ZNF136: variants seen among roughly 807,000 people sequenced by gnomAD.
ZNF136 encodes the protein zinc finger protein 136.
ZNF136 carries 8 observed loss-of-function variants against 11.4 expected under a neutral mutation model. That is an observed-to-expected ratio of 0.70 (90% confidence interval 0.41 to 1.27). ZNF136 has a LOEUF of 1.27. Ranked by LOEUF, ZNF136 falls within the 50% of genes most tolerant of loss-of-function variation. The probability of loss-of-function intolerance (pLI) is 0.01; values close to 1 mark genes in which losing one functional copy is unlikely to be tolerated. For synonymous variants in ZNF136, 190 were observed against 207.1 expected (o/e 0.92, Z 0.71); for missense variants, 590 against 656.5 (o/e 0.90, Z 1.11).
Position 12,187,806 on chromosome 19 carries a change from T to C in ZNF136, c.1428T>C (p.Phe476=). ...HEMIHTGEKP[F]ECKRCGKAFR... is the part of the protein sequence containing the mutation. ...TGATTCACACTGGTGAGAAACCCTT[T>C]GAATGTAAGCGATGTGGTAAAGCCT... The change falls in exon 4 of 4, where the codon TTT becomes TTC. Residue 476 remains phenylalanine, a synonymous_variant. Transcript: ENST00000343979. The C allele has an allele frequency of 3.1e-6, 5 of 1,607,720 alleles. No individual in the cohort carries two copies. The highest frequency in any genetic ancestry group is 3.4e-6 in the Non-Finnish European group (4 of 1,177,842).
chr19:12,187,830 C>T lies in ZNF136; in HGVS notation c.1452C>T (p.Ala484=), dbSNP rs765245923. 37 of 1,604,460 alleles carry T rather than the reference C, an allele frequency of 2.3e-5. No individual in the cohort carries two copies. The highest frequency in any genetic ancestry group is 3.5e-5 in the Admixed American group (2 of 57,472). The change falls in exon 4 of 4, where the codon GCC becomes GCT. Residue 484 remains alanine (A), a synonymous_variant. Coordinates refer to ENST00000343979, the MANE Select transcript of ZNF136 (RefSeq NM_003437.5). ...KPFECKRCGK[A]FRSSSSFRLH... is the part of the protein sequence containing the mutation. Reference sequence around the variant, plus strand: ...TTGAATGTAAGCGATGTGGTAAAGCCTTTAGATCTTCTAGTTCCTTTCGAC... The same window carrying T: ...TTGAATGTAAGCGATGTGGTAAAGCTTTTAGATCTTCTAGTTCCTTTCGAC...
intron 1 of ZNF136, among the ~76,000 whole-genome samples, chr19:12,181,188 A>G (rs1471515010): frequency 6.6e-6 from 1 of 152,178 alleles, no homozygotes; most frequent in East Asian, 1.9e-4. Context: ...CGAAGATGGG[A>G]AATGGCGAGT....
At chr19:12,169,004 G>C (rs1221745236) in intron 1 of ZNF136, among the ~76,000 whole-genome samples, 1 of 152,192 alleles carries the variant, frequency 6.6e-6, no homozygotes, top group East Asian at 1.9e-4. Flanking sequence ...TCTGAGTTCT[G>C]TTAGTAGTAC....
intron 1 of ZNF136, among the ~76,000 whole-genome samples, chr19:12,168,527 G>C (rs537217271): frequency 3.0e-4 from 46 of 152,104 alleles, no homozygotes; most frequent in African/African-American, 1.1e-3. Context: ...TAGGGAAGGG[G>C]GTCCTATACT....
chr19:12,170,532 C>T (rs1351854260), intron 1 of ZNF136, among the ~76,000 whole-genome samples: 2 of 151,950 alleles, frequency 1.3e-5, no homozygotes, highest in African/African-American at 2.4e-5. Flanking sequence ...GGACTACAGG[C>T]GTGTGCCACA....
Position 12,187,092 on chromosome 19 carries a change from T to G in ZNF136, c.714T>G (p.Ser238Arg), listed in dbSNP as rs1315980820. The G allele has an allele frequency of 1.2e-6, 2 of 1,613,848 alleles. No homozygotes were observed. Among genetic ancestry groups the G allele is most frequent in the Non-Finnish European group, 1.7e-6 (2 of 1,179,978 alleles). Reference protein sequence around the residue: ...ECGKAFTCITSVRRHMIKHTG... With the variant: ...ECGKAFTCITRVRRHMIKHTG... ...GAAAAGCCTTCACTTGTATCACAAG[T>G]GTTCGAAGACACATGATAAAGCACA... The change falls in exon 4 of 4, where the codon AGT becomes AGG. Residue 238 changes from serine to arginine, a missense_variant. Coordinates refer to ENST00000343979, the MANE Select transcript of ZNF136 (RefSeq NM_003437.5).
At chr19:12,177,636 C>T (rs567309038) in intron 1 of ZNF136, among the ~76,000 whole-genome samples, 5 of 152,316 alleles carry the variant, frequency 3.3e-5, no homozygotes, top group South Asian at 2.1e-4. Context: ...CATGAACCAC[C>T]GCACCCAGAC....
chr19:12,172,743 G>C (rs1006064423), intron 1 of ZNF136, among the ~76,000 whole-genome samples: 3 of 152,206 alleles, frequency 2.0e-5, no homozygotes, highest in African/African-American at 7.2e-5. Flanking sequence ...GCCGGCTGTG[G>C]TGGCTCACGC....
At chr19:12,179,021 AAAAG>A (rs1310734930) in intron 1 of ZNF136, among the ~76,000 whole-genome samples, 1 of 152,064 alleles carries the variant, frequency 6.6e-6, no homozygotes, top group African/African-American at 2.4e-5. Context: ...AGAAAAAAAA[AAAAG>A]AAAAATTGTG....
intron 1 of ZNF136, among the ~76,000 whole-genome samples, chr19:12,172,533 G>C (rs1166509434): frequency 1.3e-5 from 2 of 152,122 alleles, no homozygotes; most frequent in South Asian, 2.1e-4. Flanking sequence ...TCCTAGACTA[G>C]AGTAGCCACT....
chr19:12,183,856 C>T (rs889827575), intron 1 of ZNF136, among the ~76,000 whole-genome samples: 1 of 152,198 alleles, frequency 6.6e-6, no homozygotes, highest in Non-Finnish European at 1.5e-5. Flanking sequence ...TCTGCCTCAA[C>T]CTCCCAATGT....
intron 1 of ZNF136, chr19:12,163,686 G>C (rs545011527): frequency 6.2e-6 from 1 of 160,584 alleles, no homozygotes; most frequent in African/African-American, 2.4e-5. Context: ...TTCTCTTTTC[G>C]CTTTTCCAAA....
In ZNF136 at chr19:12,188,034, C is replaced by A; in HGVS notation, c.*33C>A. The A allele has an allele frequency of 6.8e-7, 1 of 1,466,176 alleles. No homozygotes were observed. The highest frequency in any genetic ancestry group is 9.0e-7 in the Non-Finnish European group (1 of 1,106,816). 90.8% of individuals were successfully genotyped at this position (1,466,176 alleles called of 1,614,324 possible). ...GGTTCATGTCAGATACATTAAAATACTCACTGAAGAGAAGCCCTATGAATG... is the reference window on the plus strand; with the variant it reads ...GGTTCATGTCAGATACATTAAAATAATCACTGAAGAGAAGCCCTATGAATG... On this transcript the variant is annotated 3_prime_UTR_variant, in exon 4 of 4. Transcript: ENST00000343979.
Position 12,186,442 on chromosome 19 carries a change from A to G in ZNF136, c.192-128A>G. On this transcript the variant is annotated intron_variant, in intron 3 of 3. Coordinates refer to ENST00000343979, the MANE Select transcript of ZNF136 (RefSeq NM_003437.5). ...CCATTGCAGAGCATTGAATTCATTC[A>G]TGCTCAAACAAATCAGACTTGGCAT... is the stretch of plus-strand genomic sequence containing the variant. 3 of 889,056 alleles carry G rather than the reference A, an allele frequency of 3.4e-6. No homozygotes were observed. In the Admixed American group the frequency reaches 8.8e-5, roughly 26 times the overall value. 55.1% of individuals were successfully genotyped at this position (889,056 alleles called of 1,614,324 possible).
At chr19:12,170,171 A>G (rs939791938) in intron 1 of ZNF136, among the ~76,000 whole-genome samples, 116 of 119,704 alleles carry the variant, frequency 9.7e-4, no homozygotes, top group African/African-American at 3.0e-3. Context: ...CTTGTGATTC[A>G]CCCACCTTGG....
chr19:12,169,521 A>G (rs10404355), intron 1 of ZNF136: 2,225 of 152,304 alleles, frequency 0.015, 49 homozygotes, highest in African/African-American at 0.051. Flanking sequence ...GGTAAAGGTA[A>G]ACAAATAAGC....
Position 12,187,031 on chromosome 19 carries a change from A to G in ZNF136, c.653A>G (p.His218Arg). ...AGATTTCGAACACATGAAAGAAGTC[A>G]CACTGGAGAGAAACCCTATGAATGT... ...PSRFRTHERS[H>R]TGEKPYECQE... The change falls in exon 4 of 4, where the codon CAC becomes CGC. Residue 218 changes from histidine to arginine, a missense_variant. Physicochemically the swap from His to Arg is conservative, Grantham distance 29 (BLOSUM62 0). Transcript: ENST00000343979. 1.2e-6 allele frequency: 2 copies of G among 1,614,188 alleles called. No individual in the cohort carries two copies. The highest frequency in any genetic ancestry group is 1.7e-6 in the Non-Finnish European group (2 of 1,180,022).
rs186514572 is a variant in ZNF136 at position 12,189,634 on chromosome 19, G to A, written c.*1633G>A. 3 of 151,752 alleles carry A rather than the reference G, an allele frequency of 2.0e-5. No homozygotes were observed. Among genetic ancestry groups the A allele is most frequent in the East Asian group, 3.9e-4 (2 of 5,156 alleles). 9.4% of individuals were successfully genotyped at this position (151,752 alleles called of 1,614,324 possible). ...CCTCCTAAAGTCTGGGATTACACGT[G>A]TGAGCCATCACACCTAGCCCATTTT... On this transcript the variant is annotated 3_prime_UTR_variant, in exon 4 of 4. Transcript: ENST00000343979.
At chr19:12,168,856 A>T (rs1258364863) in intron 1 of ZNF136, among the ~76,000 whole-genome samples, 1 of 151,598 alleles carries the variant, frequency 6.6e-6, no homozygotes, top group African/African-American at 2.4e-5. Context: ...TTTTGTATTT[A>T]TAGTAGAGAT....
Sources: gnomAD v4.1 joint callset for allele counts (sites outside exome capture counted in the v4.1 genomes callset) on GRCh38, gnomAD v4.1.1 for gene constraint, MANE v1.5 for transcripts, NCBI Gene and HGNC (gene_info 2026-07-23, HGNC 2026-07-21) for gene names.